The following PRR35 variants were observed in gnomAD, a reference collection of about 807,000 sequenced individuals.
PRR35 encodes the protein proline-rich protein 35.
In PRR35, 14 loss-of-function variants were observed where a neutral mutation model predicts 18.6. That is an observed-to-expected ratio of 0.75 (90% CI 0.50 to 1.18). The LOEUF is 1.18. PRR35 is among the 50% of genes most tolerant of loss of function. The pLI is 0.00. For synonymous variants in PRR35, 425 were observed against 378.2 expected (o/e 1.12, Z -1.43); for missense variants, 832 against 792.2 (o/e 1.05, Z -0.60).
At position 564,725 on chromosome 16, in the gene PRR35, C is replaced by A. The variant is rs1315404847; in HGVS notation, c.1134C>A (p.Gly378=). The A allele has an allele frequency of 6.5e-7, 1 of 1,533,824 alleles. No individual in the cohort carries two copies. The stretch of plus-strand genomic sequence containing the variant: ...TGTGGCCTGAGGACGGGGATCCAGG[C>A]GGCCCTGAGACCCCCGGCCCTGAGG... ...VMLWPEDGDP[G]GPETPGPEGP... The change falls in exon 3 of 3, where the codon GGC becomes GGA. Residue 378 remains glycine (G), a synonymous_variant. Coordinates refer to ENST00000409413, the MANE Select transcript of PRR35 (RefSeq NM_145270.3).
chr16:559,846 G>T, upstream of PRR35: 2 of 774,640 alleles, frequency 2.6e-6, no homozygotes, highest in Non-Finnish European at 3.1e-6. Context: ...AGAACGGAGG[G>T]CAGGGCTCGC....
At chr16:562,857 C>G (rs756453658) in intron 1 of PRR35, among the ~76,000 whole-genome samples, 3 of 152,190 alleles carry the variant, frequency 2.0e-5, no homozygotes, top group Non-Finnish European at 4.4e-5. Flanking sequence ...GGCCTGGCCT[C>G]AGGGGTGGGG....
At chr16:561,074 TGGGGCCGGGTGTC>T (rs995626038) in intron 1 of PRR35, among the ~76,000 whole-genome samples, 32 of 151,606 alleles carry the variant, frequency 2.1e-4, no homozygotes, top group African/African-American at 7.0e-4. Context: ...GACAGGTGAG[TGGGGCCGGGTGTC>T]GGGGCCTGGC....
In PRR35 at chr16:563,686, A is replaced by G. The variant is rs2035481280; in HGVS notation, c.392A>G (p.Lys131Arg). ...IHSLHCGGGP[K>R]SRAKGSPGPP... ...TCCCTGCACTGTGGCGGAGGCCCCA[A>G]GTCCAGGGCCAAGGGGTCCCCAGGG... Residue 131 changes from lysine to arginine, a missense_variant, in exon 2 of 3, where the codon AAG becomes AGG. Transcript: ENST00000409413. The G allele has an allele frequency of 6.4e-7, 1 of 1,564,294 alleles. No homozygotes were observed. Among genetic ancestry groups the G allele is most frequent in the East Asian group, 2.3e-5 (1 of 42,814 alleles).
chr16:561,863 G>T, intron 1 of PRR35: 1 of 838,550 alleles, frequency 1.2e-6, no homozygotes, highest in Non-Finnish European at 1.4e-6. Context: ...TGTTGGAGTG[G>T]TTTGGAAAGC....
chr16:565,180 T>G lies in PRR35; in HGVS notation c.1589T>G (p.Leu530Arg). ...EADSSVPPPG[L>R]PLAAPDDPVI... The stretch of plus-strand genomic sequence containing the variant: ...GACTCCAGCGTCCCACCCCCAGGGC[T>G]CCCCCTCGCAGCCCCAGATGACCCT... Residue 530 changes from leucine (L) to arginine (R), a missense_variant, in exon 3 of 3, where the codon CTC (leucine) becomes CGC (arginine). Leu to Arg is a moderately radical substitution (Grantham distance 102). This residue lies in a region of PRR35 where 768 missense variants were observed against 704.1 expected (regional missense o/e 1.09). Transcript: ENST00000409413. 6.2e-7 allele frequency: 1 copy of G among 1,610,020 alleles called. No homozygotes were observed. Among genetic ancestry groups the G allele is most frequent in the Non-Finnish European group, 8.5e-7 (1 of 1,178,794 alleles).
At position 564,799 on chromosome 16, in the gene PRR35, A is replaced by T. The variant is rs975374695; in HGVS notation, c.1208A>T (p.His403Leu). ...GGCCCAGTGCCAGGAAGCCCGGAGCATGTGGGCGAGGACCTGACCCGAGCC... is the reference window on the plus strand; with the variant it reads ...GGCCCAGTGCCAGGAAGCCCGGAGCTTGTGGGCGAGGACCTGACCCGAGCC... ...PRGPVPGSPEHVGEDLTRALG... is the reference protein window; with the variant it reads ...PRGPVPGSPELVGEDLTRALG... Residue 403 changes from histidine to leucine, a missense_variant, in exon 3 of 3, where the codon CAT becomes CTT. Physicochemically the swap from His to Leu is moderately conservative, Grantham distance 99. Around this residue, in one of 3 missense-constraint regions of PRR35, gnomAD observed 768 missense variants for 704.1 expected, o/e 1.09. Transcript: ENST00000409413. 36 of 1,555,934 alleles carry T rather than the reference A, an allele frequency of 2.3e-5. No homozygotes were observed. Among genetic ancestry groups the T allele is most frequent in the Non-Finnish European group, 2.9e-5 (34 of 1,156,064 alleles).
At position 565,063 on chromosome 16, in the gene PRR35, C is replaced by G. The variant is rs374955916; in HGVS notation, c.1472C>G (p.Pro491Arg). The G allele has an allele frequency of 5.0e-6, 8 of 1,593,528 alleles. No individual in the cohort carries two copies. Among genetic ancestry groups the G allele is most frequent in the Non-Finnish European group, 6.8e-6 (8 of 1,170,136 alleles). ...GEAWGRPELG[P>R]VLTGGTPEPP... ...GCGTGGGGGCGGCCCGAGCTGGGTC[C>G]CGTGTTGACCGGGGGCACCCCCGAG... Residue 491 changes from proline to arginine, a missense_variant, in exon 3 of 3, where the codon CCC (proline) becomes CGC (arginine). This residue lies in a region of PRR35 where 768 missense variants were observed against 704.1 expected (regional missense o/e 1.09). Transcript: ENST00000409413.
chr16:559,855 GC>G, upstream of PRR35: 2 of 705,108 alleles, frequency 2.8e-6, no homozygotes, highest in Non-Finnish European at 3.5e-6. Flanking sequence ...GGCAGGGCTC[GC>G]CCAGGGAGGG....
Position 564,167 on chromosome 16 carries a change from G to C in PRR35, c.873G>C (p.Arg291Ser). 3 of 1,565,380 alleles carry C rather than the reference G, an allele frequency of 1.9e-6. No individual in the cohort carries two copies. The highest frequency in any genetic ancestry group is 2.6e-6 in the Non-Finnish European group (3 of 1,162,548). ...TTGCCAAGGCCCCTGTCTCCCCCAG[G>C]AGCCCCTCTGGGACTCCGGCTCCTG... ...AALAKAPVSP[R>S]SPSGTPAPGL... Residue 291 changes from arginine to serine, a missense_variant, in exon 2 of 3, where the codon AGG (arginine) becomes AGC (serine). By Grantham distance (110) the Arg-to-Ser change is moderately radical. Around this residue, in one of 3 missense-constraint regions of PRR35, gnomAD observed 768 missense variants for 704.1 expected, o/e 1.09. Coordinates refer to ENST00000409413, the MANE Select transcript of PRR35 (RefSeq NM_145270.3).
intron 1 of PRR35, 128 bp from the exon 2 acceptor site, chr16:563,128 C>T (rs1456871364): frequency 5.4e-6 from 5 of 927,250 alleles, no homozygotes; most frequent in Non-Finnish European, 7.6e-6. Flanking sequence ...GGGCACGTTG[C>T]AGGGCAGAGG....
At position 564,967 on chromosome 16, in the gene PRR35, G is replaced by A. The variant is rs1454457970; in HGVS notation, c.1376G>A (p.Arg459Lys). 1 of 1,606,204 alleles carries A rather than the reference G, an allele frequency of 6.2e-7. No homozygotes were observed. The highest frequency in any genetic ancestry group is 1.1e-5 in the South Asian group (1 of 90,400). Reference protein sequence around the residue: ...TIHQALEQAVRPPDAPLDLSV... With the variant: ...TIHQALEQAVKPPDAPLDLSV... ...CACCAGGCGCTGGAGCAGGCCGTGAGGCCGCCAGACGCACCCCTCGACCTC... is the reference window on the plus strand; with the variant it reads ...CACCAGGCGCTGGAGCAGGCCGTGAAGCCGCCAGACGCACCCCTCGACCTC... Residue 459 changes from arginine to lysine, a missense_variant, in exon 3 of 3, where the codon AGG becomes AAG. Arg to Lys is a conservative substitution (Grantham distance 26, BLOSUM62 2). Transcript: ENST00000409413.
At chr16:561,117 C>G (rs11248938) in intron 1 of PRR35, among the ~76,000 whole-genome samples, 145,245 of 152,310 alleles carry the variant, frequency 0.95, 69,277 homozygotes, top group East Asian at 1. Flanking sequence ...CTGGCTGCCC[C>G]GGGAGCGATT....
intron 1 of PRR35, among the ~76,000 whole-genome samples, chr16:561,361 T>C (rs1283403538): frequency 1.3e-5 from 2 of 152,118 alleles, no homozygotes; most frequent in African/African-American, 4.8e-5. Flanking sequence ...GGCACAGCTG[T>C]GTGGCTCCCA....
At position 564,995 on chromosome 16, in the gene PRR35, T is replaced by A; in HGVS notation, c.1404T>A (p.Ser468=). 1 of 1,606,836 alleles carries A rather than the reference T, an allele frequency of 6.2e-7. No individual in the cohort carries two copies. The change falls in exon 3 of 3, where the codon TCT becomes TCA. Residue 468 remains serine (S), a synonymous_variant. Transcript: ENST00000409413. ...VRPPDAPLDL[S]VKRAPAKGPQ... is the part of the protein sequence containing the mutation. ...CGCCAGACGCACCCCTCGACCTCTCTGTGAAACGTGCGCCCGCCAAGGGGC... is the reference window on the plus strand; with the variant it reads ...CGCCAGACGCACCCCTCGACCTCTCAGTGAAACGTGCGCCCGCCAAGGGGC...
At chr16:559,892 G>T, upstream of PRR35, 1 of 413,474 alleles carries the variant, frequency 2.4e-6, no homozygotes, top group Non-Finnish European at 3.3e-6. Flanking sequence ...GGCTCCGCTG[G>T]CTCAGTCCGC....
At position 565,175 on chromosome 16, in the gene PRR35, A is replaced by C. The variant is rs770907197; in HGVS notation, c.1584A>C (p.Pro528=). ...AGGCCGACTCCAGCGTCCCACCCCC[A>C]GGGCTCCCCCTCGCAGCCCCAGATG... ...KCEADSSVPP[P]GLPLAAPDDP... Residue 528 remains proline (P), a synonymous_variant, in exon 3 of 3, where the codon CCA becomes CCC. Coordinates refer to ENST00000409413, the MANE Select transcript of PRR35 (RefSeq NM_145270.3). The C allele has an allele frequency of 6.2e-7, 1 of 1,610,368 alleles. No individual in the cohort carries two copies. The highest frequency in any genetic ancestry group is 1.3e-5 in the African/African-American group (1 of 74,714).
In PRR35 at chr16:563,246, C is replaced by T; in HGVS notation, c.-39-10C>T. On this transcript the variant is annotated splice_polypyrimidine_tract_variant and intron_variant, in intron 1 of 2. Coordinates refer to ENST00000409413, the MANE Select transcript of PRR35 (RefSeq NM_145270.3). ...GGCAGGCTTGGCACTGACTGTGGCC[C>T]CATCTACAGGTGGCCATGGTGCCCG... is the stretch of plus-strand genomic sequence containing the variant. 6.5e-7 allele frequency: 1 copy of T among 1,532,788 alleles called. No homozygotes were observed. The highest frequency in any genetic ancestry group is 1.2e-5 in the South Asian group (1 of 80,724). The allele number at this position is 1,532,788 out of a possible 1,614,324, so 94.9% of individuals were successfully genotyped here.
intron 1 of PRR35, 116 bp downstream of exon 1, chr16:560,777 C>T (rs1166341730): frequency 7.2e-6 from 6 of 836,330 alleles, no homozygotes; most frequent in African/African-American, 2.1e-5. Flanking sequence ...GCGGCCGGGT[C>T]CCCCCCACCC....
Sources: allele counts gnomAD v4.1 joint callset (sites outside exome capture counted in the v4.1 genomes callset), GRCh38; gene constraint gnomAD v4.1.1; regional missense constraint gnomAD v4.1.1; transcripts MANE v1.5; gene names NCBI Gene and HGNC (gene_info 2026-07-23, HGNC 2026-07-21).